The following SEM1 variants were observed in gnomAD, a reference collection of about 807,000 sequenced individuals.
The protein encoded by SEM1 is SEM1 26S proteasome subunit, also known as 26S proteasome complex subunit SEM1.
SEM1 carries 3 observed loss-of-function variants against 12.7 expected under a neutral mutation model. The ratio of observed to expected loss-of-function variants is 0.24; its 90% confidence interval spans 0.11 to 0.61. The LOEUF is 0.61. SEM1 is among the 20% of genes least tolerant of loss of function. SEM1 has a pLI of 0.88. For synonymous variants in SEM1, 30 were observed against 27.8 expected (o/e 1.08, Z -0.25); for missense variants, 59 against 81.3 (o/e 0.73, Z 1.06).
intron 1 of SEM1, among the ~76,000 whole-genome samples, chr7:96,697,930 C>A (rs1297153810): frequency 6.6e-6 from 1 of 152,130 alleles, no homozygotes; most frequent in African/African-American, 2.4e-5. Context: ...CCCTGCAGAT[C>A]TAATGTCTAG....
At chr7:96,693,059 CAGTCTCCAGCAAAATTCT>C (rs1365731723) in intron 2 of SEM1, among the ~76,000 whole-genome samples, 5 of 151,900 alleles carry the variant, frequency 3.3e-5, no homozygotes, top group Non-Finnish European at 7.4e-5. Context: ...AAATTATTAT[CAGTCTCCAGCAAAATTCT>C]AAGTCTTTAT....
At chr7:96,688,992 C>T in intron 2 of SEM1, 26 bp from the exon 3 acceptor site, 2 of 1,394,362 alleles carry the variant, frequency 1.4e-6, no homozygotes, top group Non-Finnish European at 2.0e-6. Flanking sequence ...AAGAACATCA[C>T]TAGGTATTCT....
At chr7:96,582,292 T>C (rs1305999790) in intron 2 of SEM1, among the ~76,000 whole-genome samples, 1 of 148,752 alleles carries the variant, frequency 6.7e-6, no homozygotes, top group Non-Finnish European at 1.5e-5. Flanking sequence ...TTGCGTATAT[T>C]GAACCAGCCT....
At chr7:96,561,233 C>A (rs945952463) in intron 2 of SEM1, among the ~76,000 whole-genome samples, 12 of 152,248 alleles carry the variant, frequency 7.9e-5, no homozygotes, top group African/African-American at 2.9e-4. Context: ...TTCCACATGA[C>A]AAAATATTTA....
intron 2 of SEM1, among the ~76,000 whole-genome samples, chr7:96,581,767 CTGTT>C (rs1394910307): frequency 1.8e-4 from 28 of 151,678 alleles, no homozygotes; most frequent in Non-Finnish European, 3.4e-4. Flanking sequence ...ATTTGGCTCT[CTGTT>C]TGTCTGTTGT....
upstream of SEM1, among the ~76,000 whole-genome samples, chr7:96,498,989 T>C (rs1803407489): frequency 2.0e-5 from 3 of 152,182 alleles, no homozygotes; most frequent in South Asian, 6.2e-4. Flanking sequence ...TAGCTTTAAC[T>C]ATAATAGACA....
At chr7:96,682,589 A>G (rs1209038136) in intron 2 of SEM1, among the ~76,000 whole-genome samples, 1 of 152,048 alleles carries the variant, frequency 6.6e-6, no homozygotes, top group African/African-American at 2.4e-5. Flanking sequence ...AACCTAGGCG[A>G]TAACATTCAG....
intron 2 of SEM1, chr7:96,645,937 C>T (rs572141363): frequency 5.5e-5 from 22 of 398,216 alleles, no homozygotes; most frequent in East Asian, 5.0e-4. Context: ...CTGTGTCTAC[C>T]TTCCACAAGA....
At chr7:96,485,716 A>G (rs887193021) in intron 2 of SEM1, among the ~76,000 whole-genome samples, 2 of 151,214 alleles carry the variant, frequency 1.3e-5, no homozygotes, top group Non-Finnish European at 3.0e-5. Flanking sequence ...TATTTTCTGT[A>G]TTCTTAATAG....
chr7:96,647,924 A>AT, intron 2 of SEM1, among the ~76,000 whole-genome samples: 1 of 152,320 alleles, frequency 6.6e-6, no homozygotes, highest in East Asian at 1.9e-4. Flanking sequence ...ATTTTACTTC[A>AT]TTTTGTGCCA....
intron 1 of SEM1, among the ~76,000 whole-genome samples, chr7:96,704,008 C>T (rs968836096): frequency 6.8e-6 from 1 of 146,362 alleles, no homozygotes; most frequent in Admixed American, 6.8e-5. Flanking sequence ...CACACACACA[C>T]ACATACATAA....
chr7:96,519,905 T>C (rs1804217302), intron 2 of SEM1, among the ~76,000 whole-genome samples: 2 of 152,096 alleles, frequency 1.3e-5, no homozygotes, highest in African/African-American at 4.8e-5. Flanking sequence ...AGTCATGTAC[T>C]TGCAAGGAAA....
chr7:96,635,316 A>G (rs1808399059), intron 2 of SEM1, among the ~76,000 whole-genome samples: 2 of 152,234 alleles, frequency 1.3e-5, no homozygotes, highest in South Asian at 4.1e-4. Context: ...AGGAAGTAAC[A>G]AGCAGGCAGT....
chr7:96,483,528 A>G (rs1584689419), exon 4 of SEM1: 3 of 323,236 alleles, frequency 9.3e-6, no homozygotes, highest in Non-Finnish European at 1.8e-5. Flanking sequence ...CACTCACCCT[A>G]CATGTCCATA....
At chr7:96,610,788 G>T (rs1452189526) in intron 2 of SEM1, among the ~76,000 whole-genome samples, 1 of 152,222 alleles carries the variant, frequency 6.6e-6, no homozygotes, top group Non-Finnish European at 1.5e-5. Context: ...ATTCAAAAAT[G>T]TTCACAGCGT....
At chr7:96,557,708 G>C (rs1419023751) in intron 2 of SEM1, among the ~76,000 whole-genome samples, 1 of 143,694 alleles carries the variant, frequency 7.0e-6, no homozygotes, top group Non-Finnish European at 1.5e-5. Flanking sequence ...TTCAGCTGTG[G>C]TGGGCTCCAC....
chr7:96,647,791 T>C (rs924129818), intron 2 of SEM1, among the ~76,000 whole-genome samples: 1 of 152,202 alleles, frequency 6.6e-6, no homozygotes, highest in African/African-American at 2.4e-5. Context: ...AGAAACAGAA[T>C]TGCAAATGTT....
At chr7:96,536,086 A>T (rs1406973043) in intron 2 of SEM1, among the ~76,000 whole-genome samples, 1 of 151,938 alleles carries the variant, frequency 6.6e-6, no homozygotes, top group Non-Finnish European at 1.5e-5. Context: ...AACAGTGTAT[A>T]AGCATTCCCT....
In SEM1 at chr7:96,709,798, C is replaced by G. The variant is rs1158895787; in HGVS notation, c.-35G>C. 5 of 1,608,410 alleles carry G rather than the reference C, an allele frequency of 3.1e-6. No individual in the cohort carries two copies. Among genetic ancestry groups the G allele is most frequent in the Non-Finnish European group, 3.4e-6 (4 of 1,175,578 alleles). On this transcript the variant is annotated 5_prime_UTR_variant, in exon 1 of 3. Coordinates refer to ENST00000248566, the MANE Select transcript of SEM1 (RefSeq NM_006304.2). ...CCGCGCCCAACACCTCCCAGATAAG[C>G]AGAAAAGTTGGAACCCTCACTCTTC...
Sources: allele counts gnomAD v4.1 joint callset (sites outside exome capture counted in the v4.1 genomes callset), GRCh38; gene constraint gnomAD v4.1.1; transcripts MANE v1.5; gene names NCBI Gene and HGNC (gene_info 2026-07-23, HGNC 2026-07-21).